ANKRD28: variants seen among roughly 807,000 people sequenced by gnomAD.
ANKRD28 encodes ankyrin repeat domain 28, also known as serine/threonine-protein phosphatase 6 regulatory ankyrin repeat subunit A.
ANKRD28 carries 44 observed loss-of-function variants against 126.5 expected under a neutral mutation model. The ratio of observed to expected loss-of-function variants is 0.35; its 90% confidence interval spans 0.27 to 0.45. ANKRD28 has a LOEUF of 0.45. ANKRD28 is among the 20% of genes least tolerant of loss of function. The pLI, the probability that ANKRD28 is intolerant of heterozygous loss-of-function variation, is 1.00. For synonymous variants in ANKRD28, 442 were observed against 468.5 expected, an observed-to-expected ratio of 0.94 and a Z score of 0.73; for missense variants, 1,110 against 1,316.6, an observed-to-expected ratio of 0.84 and a Z score of 2.43.
intron 1 of ANKRD28, among the ~76,000 whole-genome samples, chr3:15,809,016 A>C (rs533434655): frequency 3.4e-5 from 5 of 147,688 alleles, no homozygotes; most frequent in Admixed American, 3.4e-4. Context: ...AGCTCCTTTT[A>C]ATCTCTTTTT....
intron 13 of ANKRD28, 39 bp downstream of exon 13, chr3:15,709,629 T>C (rs2071954682): frequency 2.1e-6 from 3 of 1,411,090 alleles, no homozygotes; most frequent in Admixed American, 4.7e-5. Flanking sequence ...AGTTATTAAG[T>C]AAAAATAGGC....
At chr3:15,802,455 A>C (rs1417687417), upstream of ANKRD28, among the ~76,000 whole-genome samples, 1 of 152,184 alleles carries the variant, frequency 6.6e-6, no homozygotes, top group Non-Finnish European at 1.5e-5. Context: ...AGCTGAGCCT[A>C]ACTCTAAATG....
chr3:15,733,821 A>G (rs2074825776), intron 6 of ANKRD28, among the ~76,000 whole-genome samples: 1 of 152,202 alleles, frequency 6.6e-6, no homozygotes, highest in South Asian at 2.1e-4. Context: ...AAGATTTTCA[A>G]AACTTTTCTT....
At chr3:15,832,571 T>C (rs745790783) in intron 1 of ANKRD28, among the ~76,000 whole-genome samples, 26 of 152,166 alleles carry the variant, frequency 1.7e-4, no homozygotes, top group Non-Finnish European at 2.6e-4. Context: ...ACCTAAATAG[T>C]GAACACTGTA....
chr3:15,743,034 A>T (rs1377139609), intron 4 of ANKRD28, among the ~76,000 whole-genome samples: 8 of 152,102 alleles, frequency 5.3e-5, no homozygotes, highest in Admixed American at 3.3e-4. Flanking sequence ...TGTACTAAGA[A>T]AAATTCTTCT....
intron 4 of ANKRD28, among the ~76,000 whole-genome samples, chr3:15,741,697 C>G (rs1164082832): frequency 3.0e-5 from 1 of 33,640 alleles, no homozygotes; most frequent in Non-Finnish European, 6.2e-5. Flanking sequence ...TGGTTCTATC[C>G]TTTTTTTTTT....
chr3:15,684,870 T>A, intron 21 of ANKRD28: 1 of 218,802 alleles, frequency 4.6e-6, no homozygotes. Flanking sequence ...ATGCCTGTAA[T>A]CCCAACACTT....
At chr3:15,777,104 T>C (rs1024920185) in intron 2 of ANKRD28, among the ~76,000 whole-genome samples, 3 of 151,876 alleles carry the variant, frequency 2.0e-5, no homozygotes, top group African/African-American at 7.3e-5. Flanking sequence ...TGAAACCCCA[T>C]CTCTACAAAA....
intron 8 of ANKRD28, among the ~76,000 whole-genome samples, chr3:15,716,997 T>A: frequency 6.6e-6 from 1 of 152,144 alleles, no homozygotes; most frequent in African/African-American, 2.4e-5. Context: ...CAAAACCAAA[T>A]CTACTTCATA....
At chr3:15,799,405 A>T (rs546541630), upstream of ANKRD28, among the ~76,000 whole-genome samples, 20 of 152,172 alleles carry the variant, frequency 1.3e-4, no homozygotes, top group African/African-American at 4.6e-4. Context: ...AAAATGTATC[A>T]ATCTATGGAA....
intron 3 of ANKRD28, among the ~76,000 whole-genome samples, chr3:15,760,839 A>G (rs865989963): frequency 3.9e-5 from 6 of 152,264 alleles, no homozygotes; most frequent in Admixed American, 6.5e-5. Flanking sequence ...CTTTAAAAAC[A>G]TAAGTCAGAG....
intron 3 of ANKRD28, among the ~76,000 whole-genome samples, chr3:15,759,510 G>A (rs369845616): frequency 2.6e-5 from 4 of 152,098 alleles, no homozygotes; most frequent in Admixed American, 6.5e-5. Context: ...CAGGTGCCAC[G>A]CCAAAAATTA....
chr3:15,755,837 T>C (rs1358473160), intron 3 of ANKRD28, among the ~76,000 whole-genome samples: 4 of 152,212 alleles, frequency 2.6e-5, no homozygotes, highest in Non-Finnish European at 5.9e-5. Flanking sequence ...TCCTACTCAT[T>C]AAGACAGAAA....
At chr3:15,837,454 C>A (rs1319308618) in intron 1 of ANKRD28, among the ~76,000 whole-genome samples, 2 of 152,082 alleles carry the variant, frequency 1.3e-5, no homozygotes, top group Non-Finnish European at 2.9e-5. Flanking sequence ...GTTTTTCAAT[C>A]ACTGTATAAG....
At chr3:15,823,513 G>A (rs1160198835) in intron 1 of ANKRD28, among the ~76,000 whole-genome samples, 2 of 152,156 alleles carry the variant, frequency 1.3e-5, no homozygotes, top group African/African-American at 2.4e-5. Flanking sequence ...AATAAAAGAA[G>A]AGGGAGAACT....
intron 21 of ANKRD28, chr3:15,684,898 A>G (rs1213207087): frequency 7.9e-6 from 2 of 254,030 alleles, no homozygotes; most frequent in Non-Finnish European, 1.5e-5. Context: ...CTGAGGTGGG[A>G]GGATCACTTG....
At position 15,679,506 on chromosome 3, in the gene ANKRD28, C is replaced by T. The variant is rs776255831; in HGVS notation, c.2447G>A (p.Gly816Glu). Residue 816 changes from glycine (G) to glutamate (E), a missense_variant, in exon 22 of 28, where the codon GGA becomes GAA. Transcript: ENST00000683139. ...LEQEVFQKTE[G>E]NAFSPLHCAV... ...ACAATGCAATGGACTAAAAGCATTT[C>T]CTTCCGTTTTCTGGAAAACTTCCTG... The T allele has an allele frequency of 1.4e-5, 22 of 1,613,742 alleles. No homozygotes were observed. In the East Asian group the frequency reaches 3.6e-4, roughly 26 times the overall value.
intron 2 of ANKRD28, among the ~76,000 whole-genome samples, chr3:15,778,372 T>C (rs1252885744): frequency 6.6e-6 from 1 of 152,170 alleles, no homozygotes; most frequent in Non-Finnish European, 1.5e-5. Flanking sequence ...TTACACAAAG[T>C]TGAAATCAAG....
chr3:15,826,800 T>C (rs1225276079), intron 1 of ANKRD28, among the ~76,000 whole-genome samples: 1 of 152,182 alleles, frequency 6.6e-6, no homozygotes, highest in Admixed American at 6.5e-5. Context: ...AGAGAACTAC[T>C]GCATTAGTCC....
Sources: allele counts gnomAD v4.1 joint callset (sites outside exome capture counted in the v4.1 genomes callset), GRCh38; gene constraint gnomAD v4.1.1; transcripts MANE v1.5; gene names NCBI Gene and HGNC (gene_info 2026-07-23, HGNC 2026-07-21).